The following ASIC2 variants were observed in gnomAD, a reference collection of about 807,000 sequenced individuals.
ASIC2 encodes acid-sensing ion channel 2.
In ASIC2, 25 loss-of-function variants were observed where a neutral mutation model predicts 57.3. The observed-to-expected ratio is 0.44, with a 90% CI of 0.32 to 0.61. ASIC2 has a LOEUF of 0.61. Ranked by LOEUF, ASIC2 falls within the 20% of genes least tolerant of loss-of-function variation. ASIC2 has a pLI of 0.06. For missense variants in ASIC2, 641 were observed against 738.1 expected (o/e 0.87, Z 1.52); for synonymous variants, 319 against 307.5 (o/e 1.04, Z -0.39).
chr17:33,293,447 G>C (rs1046660624), upstream of ASIC2, among the ~76,000 whole-genome samples: 3 of 152,214 alleles, frequency 2.0e-5, no homozygotes, highest in Non-Finnish European at 4.4e-5. Flanking sequence ...GGCCGGGTGC[G>C]GGGGTGGGGT....
intron 1 of ASIC2, among the ~76,000 whole-genome samples, chr17:33,597,149 C>T (rs1905005074): frequency 6.6e-6 from 1 of 152,234 alleles, no homozygotes. Context: ...TTCCCATCAA[C>T]CCAGCGGACA....
intron 1 of ASIC2, among the ~76,000 whole-genome samples, chr17:33,251,266 T>A (rs529948632): frequency 6.6e-6 from 1 of 152,210 alleles, no homozygotes. Flanking sequence ...TGTTGTTCAA[T>A]AGGGCAGGAA....
chr17:33,479,180 A>C (rs1913322831), intron 1 of ASIC2, among the ~76,000 whole-genome samples: 1 of 151,804 alleles, frequency 6.6e-6, no homozygotes, highest in Admixed American at 6.6e-5. Flanking sequence ...TGTGTTTTTA[A>C]TAGAGATGGG....
At chr17:33,487,680 C>T (rs553838369) in intron 1 of ASIC2, among the ~76,000 whole-genome samples, 1 of 152,238 alleles carries the variant, frequency 6.6e-6, no homozygotes, top group South Asian at 2.1e-4. Context: ...GGCAGACCAA[C>T]CCTCAATCTG....
At chr17:33,105,298 G>A (rs1011628019) in intron 2 of ASIC2, among the ~76,000 whole-genome samples, 2 of 152,216 alleles carry the variant, frequency 1.3e-5, no homozygotes, top group African/African-American at 4.8e-5. Context: ...TAGTGAATAA[G>A]TCTCATGAGA....
intron 1 of ASIC2, among the ~76,000 whole-genome samples, chr17:34,062,713 A>C (rs1909013900): frequency 6.6e-6 from 1 of 152,172 alleles, no homozygotes; most frequent in South Asian, 2.1e-4. Context: ...ACTGAAATAC[A>C]AAAGATCATC....
At chr17:33,479,047 G>A (rs546791682) in intron 1 of ASIC2, among the ~76,000 whole-genome samples, 11 of 152,214 alleles carry the variant, frequency 7.2e-5, no homozygotes, top group African/African-American at 2.4e-4. Context: ...TTGCTAGGCT[G>A]GAGTGCAGTG....
chr17:33,299,419 A>G (rs1905858542), intron 1 of ASIC2, among the ~76,000 whole-genome samples: 1 of 152,110 alleles, frequency 6.6e-6, no homozygotes, highest in African/African-American at 2.4e-5. Context: ...GGTTTTACTC[A>G]TTGCACATGG....
chr17:33,034,996 G>A (rs1029283316), intron 3 of ASIC2, among the ~76,000 whole-genome samples: 17 of 152,162 alleles, frequency 1.1e-4, no homozygotes, highest in Admixed American at 2.0e-4. Context: ...AGTCATTGGC[G>A]TTCTATTCCC....
intron 1 of ASIC2, among the ~76,000 whole-genome samples, chr17:33,786,527 T>C (rs1229514930): frequency 6.6e-6 from 1 of 151,974 alleles, no homozygotes; most frequent in Non-Finnish European, 1.5e-5. Flanking sequence ...AATACCCACC[T>C]AATTAAAAAT....
rs1019682612 is a variant in ASIC2 at position 33,053,119 on chromosome 17, G to C, written c.988-24727C>G. ...TAGTGTTAAACCACTCAGATTTAAG[G>C]GTTGATTGTCACAACAGTTAGCCTC... On this transcript the variant is annotated intron_variant, in intron 3 of 9. Coordinates refer to ENST00000225823, the MANE Select transcript of ASIC2 (RefSeq NM_183377.2). 2.6e-5 allele frequency among the ~76,000 whole-genome samples: 4 copies of C among 152,104 alleles called. No individual in the cohort carries two copies. The East Asian group carries it at 7.7e-4, about 29-fold the overall frequency.
chr17:33,476,810 T>A (rs1370802865), intron 1 of ASIC2, among the ~76,000 whole-genome samples: 1 of 152,032 alleles, frequency 6.6e-6, no homozygotes, highest in Non-Finnish European at 1.5e-5. Flanking sequence ...AAATAAGAGA[T>A]GCGACCTCTC....
intron 1 of ASIC2, among the ~76,000 whole-genome samples, chr17:33,782,639 G>A (rs530486743): frequency 1.3e-4 from 20 of 152,240 alleles, no homozygotes; most frequent in African/African-American, 4.3e-4. Flanking sequence ...TTAGGTGAGA[G>A]GGTTGCCTGA....
intron 1 of ASIC2, among the ~76,000 whole-genome samples, chr17:33,887,276 C>T (rs1914851543): frequency 6.6e-6 from 1 of 152,136 alleles, no homozygotes; most frequent in South Asian, 2.1e-4. Flanking sequence ...AAGCACTGGA[C>T]ATGATGAGGG....
chr17:33,211,418 T>C (rs186608705), intron 1 of ASIC2, among the ~76,000 whole-genome samples: 11 of 151,952 alleles, frequency 7.2e-5, no homozygotes, highest in African/African-American at 2.7e-4. Context: ...TCGTTAAACA[T>C]TAACCAGCGC....
At chr17:33,357,180 C>A (rs1482270238) in intron 1 of ASIC2, among the ~76,000 whole-genome samples, 1 of 151,968 alleles carries the variant, frequency 6.6e-6, no homozygotes, top group Non-Finnish European at 1.5e-5. Context: ...ACCACCTAAT[C>A]CCCAGCTTCC....
At chr17:33,668,343 A>G (rs1315810946) in intron 1 of ASIC2, among the ~76,000 whole-genome samples, 1 of 137,102 alleles carries the variant, frequency 7.3e-6, no homozygotes, top group Non-Finnish European at 1.5e-5. Context: ...TATTGGTGCC[A>G]AGAAGGGCTG....
intron 1 of ASIC2, among the ~76,000 whole-genome samples, chr17:33,939,528 A>G (rs1336568382): frequency 6.6e-6 from 1 of 152,242 alleles, no homozygotes; most frequent in Non-Finnish European, 1.5e-5. Flanking sequence ...TCCCCTGCAT[A>G]AAAAGCAAAC....
chr17:33,265,178 G>T (rs1567803570), intron 1 of ASIC2, among the ~76,000 whole-genome samples: 1 of 152,192 alleles, frequency 6.6e-6, no homozygotes, highest in Non-Finnish European at 1.5e-5. Flanking sequence ...TGTTTTCACT[G>T]CCTGGAATGT....
Sources: gnomAD v4.1 joint callset for allele counts (sites outside exome capture counted in the v4.1 genomes callset) on GRCh38, gnomAD v4.1.1 for gene constraint, MANE v1.5 for transcripts, NCBI Gene and HGNC (gene_info 2026-07-23, HGNC 2026-07-21) for gene names.